The following KHDRBS2 variants were observed in gnomAD, a reference collection of about 807,000 sequenced individuals.
KHDRBS2 encodes the protein KH RNA binding domain containing, signal transduction associated 2.
KHDRBS2 carries 26 observed loss-of-function variants against 44.3 expected under a neutral mutation model. The observed-to-expected ratio is 0.59, with a 90% CI of 0.43 to 0.81. KHDRBS2 has a LOEUF of 0.81. Ranked by LOEUF, KHDRBS2 falls within the 40% of genes least tolerant of loss-of-function variation. KHDRBS2 has a pLI of 0.00. For missense variants in KHDRBS2, 476 were observed against 433.1 expected (o/e 1.10, Z -0.88); for synonymous variants, 194 against 151.1 (o/e 1.28, Z -2.08).
At chr6:62,062,496 G>A (rs374534151) in intron 2 of KHDRBS2, among the ~76,000 whole-genome samples, 9 of 151,488 alleles carry the variant, frequency 5.9e-5, no homozygotes, top group East Asian at 2.0e-4. Context: ...GCTCAGCTAC[G>A]TGGAAACTGA....
intron 4 of KHDRBS2, among the ~76,000 whole-genome samples, chr6:61,955,377 T>C (rs1475657714): frequency 2.6e-5 from 3 of 115,682 alleles, no homozygotes; most frequent in East Asian, 3.0e-4. Context: ...TACGTGTATA[T>C]ATACACATAC....
At chr6:61,955,650 G>GTACACATA (rs1198736414) in intron 4 of KHDRBS2, among the ~76,000 whole-genome samples, 3 of 145,870 alleles carry the variant, frequency 2.1e-5, no homozygotes, top group African/African-American at 7.6e-5. Flanking sequence ...ACGTATGTAT[G>GTACACATA]TATGCATATA....
chr6:61,603,270 T>A, the KHDRBS2 span, among the ~76,000 whole-genome samples: 1 of 152,294 alleles, frequency 6.6e-6, no homozygotes, highest in East Asian at 1.9e-4. Context: ...GTCTTGCCTA[T>A]CCACCACGTG....
intron 1 of KHDRBS2, among the ~76,000 whole-genome samples, chr6:62,225,980 T>C (rs1334090525): frequency 6.6e-6 from 1 of 152,198 alleles, no homozygotes; most frequent in Non-Finnish European, 1.5e-5. Flanking sequence ...CTATTGTAAA[T>C]AGTGTTGCAA....
rs763212119 is a variant in KHDRBS2 at position 61,901,395 on chromosome 6, G to A, written c.484-24C>T. The A allele has an allele frequency of 5.7e-6, 9 of 1,586,874 alleles. No individual in the cohort carries two copies. In the African/African-American group the frequency reaches 1.1e-4, roughly 19 times the overall value. On this transcript the variant is annotated intron_variant, in intron 4 of 8. Transcript: ENST00000281156. Reference sequence around the variant, plus strand: ...TCCTGGAGAAAAAACATGATGTGATGAGTTAAAAATGGGACATGCCGTTCT... The same window carrying A: ...TCCTGGAGAAAAAACATGATGTGATAAGTTAAAAATGGGACATGCCGTTCT...
chr6:61,717,579 C>A (rs972344226), intron 7 of KHDRBS2, among the ~76,000 whole-genome samples: 1 of 152,100 alleles, frequency 6.6e-6, no homozygotes, highest in East Asian at 1.9e-4. Context: ...AATTACAAAA[C>A]GAGGGCGAGT....
At chr6:62,200,191 T>G (rs1266531272) in intron 1 of KHDRBS2, among the ~76,000 whole-genome samples, 2 of 152,074 alleles carry the variant, frequency 1.3e-5, no homozygotes, top group Non-Finnish European at 2.9e-5. Flanking sequence ...ACTTCATGTC[T>G]AAAATATCAA....
chr6:61,818,051 G>GA (rs1582995965), intron 6 of KHDRBS2, among the ~76,000 whole-genome samples: 1 of 151,752 alleles, frequency 6.6e-6, no homozygotes. Flanking sequence ...GAATCACAGG[G>GA]AAAAATCCCT....
At chr6:62,250,986 G>A (rs960311614) in intron 1 of KHDRBS2, among the ~76,000 whole-genome samples, 2 of 151,870 alleles carry the variant, frequency 1.3e-5, no homozygotes, top group African/African-American at 2.4e-5. Flanking sequence ...ATATTACTGT[G>A]TTAATGATAC....
chr6:61,647,944 A>C, the KHDRBS2 span, among the ~76,000 whole-genome samples: 1 of 152,172 alleles, frequency 6.6e-6, no homozygotes, highest in Non-Finnish European at 1.5e-5. Flanking sequence ...TTGGTAAAAA[A>C]TAGGTGGAAG....
At chr6:62,215,647 T>A (rs1028814392) in intron 1 of KHDRBS2, among the ~76,000 whole-genome samples, 1 of 151,880 alleles carries the variant, frequency 6.6e-6, no homozygotes, top group Non-Finnish European at 1.5e-5. Context: ...ATTCTGTTTA[T>A]GTATCTTCCC....
At chr6:62,165,982 C>T (rs1484222558) in intron 2 of KHDRBS2, among the ~76,000 whole-genome samples, 2 of 152,006 alleles carry the variant, frequency 1.3e-5, no homozygotes, top group Non-Finnish European at 2.9e-5. Flanking sequence ...TCCCCACAAT[C>T]CCCTGTAACC....
chr6:62,122,512 C>T (rs1807902982), intron 2 of KHDRBS2, among the ~76,000 whole-genome samples: 1 of 152,144 alleles, frequency 6.6e-6, no homozygotes, highest in South Asian at 2.1e-4. Flanking sequence ...CCAGCAGGTC[C>T]TGAGGAAACA....
At chr6:61,956,161 T>C (rs1480366833) in intron 4 of KHDRBS2, among the ~76,000 whole-genome samples, 1 of 151,654 alleles carries the variant, frequency 6.6e-6, no homozygotes, top group East Asian at 1.9e-4. Context: ...ACCACTGCAC[T>C]CCAGCCTGGC....
At chr6:61,577,234 G>A in the KHDRBS2 span, among the ~76,000 whole-genome samples, 1 of 151,890 alleles carries the variant, frequency 6.6e-6, no homozygotes, top group East Asian at 1.9e-4. Flanking sequence ...TGTAGAGCCA[G>A]GATCACTACT....
At chr6:62,182,875 T>C (rs1822623158) in intron 1 of KHDRBS2, among the ~76,000 whole-genome samples, 1 of 151,868 alleles carries the variant, frequency 6.6e-6, no homozygotes, top group Admixed American at 6.6e-5. Flanking sequence ...GTAAAGATTA[T>C]TTAATACTCT....
chr6:61,556,006 G>A, the KHDRBS2 span, among the ~76,000 whole-genome samples: 7 of 152,206 alleles, frequency 4.6e-5, no homozygotes, highest in Non-Finnish European at 4.4e-5. Context: ...GCACATGCCA[G>A]CTGCAGTGGC....
At chr6:61,836,663 T>A (rs1292339092) in intron 6 of KHDRBS2, among the ~76,000 whole-genome samples, 1 of 152,036 alleles carries the variant, frequency 6.6e-6, no homozygotes, top group African/African-American at 2.4e-5. Flanking sequence ...ATGTCTATGA[T>A]CTCTCTTCAA....
chr6:62,027,796 G>T (rs1362126753), intron 3 of KHDRBS2, among the ~76,000 whole-genome samples: 1 of 152,110 alleles, frequency 6.6e-6, no homozygotes, highest in African/African-American at 2.4e-5. Flanking sequence ...AGAGGGCATG[G>T]AAGTTCTATG....
Sources: gnomAD v4.1 joint callset for allele counts (sites outside exome capture counted in the v4.1 genomes callset) on GRCh38, gnomAD v4.1.1 for gene constraint, MANE v1.5 for transcripts, NCBI Gene and HGNC (gene_info 2026-07-23, HGNC 2026-07-21) for gene names.